CADM2: variants seen among roughly 807,000 people sequenced by gnomAD.
CADM2 encodes the protein cell adhesion molecule 2, also known as immunoglobulin superfamily member 4D.
CADM2 carries 12 observed loss-of-function variants against 49.8 expected under a neutral mutation model. The ratio of observed to expected loss-of-function variants is 0.24; its 90% CI spans 0.15 to 0.39. CADM2 has a LOEUF of 0.39. CADM2 is among the 10% of genes least tolerant of loss of function. The pLI, the probability that CADM2 is intolerant of heterozygous loss-of-function variation, is 1.00. For missense variants in CADM2, 378 were observed against 492.3 expected, an observed-to-expected ratio of 0.77 and a Z score of 2.20; for synonymous variants, 214 against 175.4, an observed-to-expected ratio of 1.22 and a Z score of -1.74.
At chr3:85,867,325 A>G (rs897600111) in intron 3 of CADM2, among the ~76,000 whole-genome samples, 5 of 151,944 alleles carry the variant, frequency 3.3e-5, no homozygotes, top group Non-Finnish European at 7.4e-5. Flanking sequence ...TTATGTCATC[A>G]CTCAAGTCTG....
chr3:85,573,691 T>C (rs2062548704), intron 1 of CADM2, among the ~76,000 whole-genome samples: 1 of 152,214 alleles, frequency 6.6e-6, no homozygotes, highest in Non-Finnish European at 1.5e-5. Context: ...GTTTGTGCAA[T>C]GTCCATCTCT....
At position 85,963,510 on chromosome 3, in the gene CADM2, C is replaced by T. The variant is rs556440787; in HGVS notation, c.970+1863C>T. ...GTCATGTAAGGAAAGTGTAGTCTAT[C>T]TGATTCACCTTAATTTTCCAAGTGC... is the stretch of plus-strand genomic sequence containing the variant. On this transcript the variant is annotated intron_variant, in intron 8 of 9. Transcript: ENST00000383699. Among the ~76,000 whole-genome samples, 14 of 151,976 alleles carry T rather than the reference C, an allele frequency of 9.2e-5. No homozygotes were observed. In the East Asian group the frequency reaches 1.6e-3, roughly 17 times the overall value.
chr3:85,197,700 A>G (rs2041377905), intron 1 of CADM2, among the ~76,000 whole-genome samples: 1 of 152,004 alleles, frequency 6.6e-6, no homozygotes, highest in Non-Finnish European at 1.5e-5. Flanking sequence ...TAAATCGCAC[A>G]AGTCAGCACA....
At position 85,008,605 on chromosome 3, in the gene CADM2, A is replaced by G. The variant is rs60984522; in HGVS notation, c.61+48937A>G. 9.1e-3 allele frequency among the ~76,000 whole-genome samples: 1,385 copies of G among 152,232 alleles called. 30 individuals are homozygous for G. The highest frequency in any genetic ancestry group is 0.031 in the African/African-American group (1,301 of 41,520). Reference sequence around the variant, plus strand: ...GAACGGAGAAGAGACAGAAGTAGAAATCAATGAGGTTTCTACTCAAAAACA... The same window carrying G: ...GAACGGAGAAGAGACAGAAGTAGAAGTCAATGAGGTTTCTACTCAAAAACA... On this transcript the variant is annotated intron_variant, in intron 1 of 9. Coordinates refer to ENST00000383699, the MANE Select transcript of CADM2 (RefSeq NM_001167675.2).
intron 1 of CADM2, among the ~76,000 whole-genome samples, chr3:85,616,219 T>C (rs1266705675): frequency 1.3e-5 from 2 of 150,858 alleles, no homozygotes; most frequent in Admixed American, 1.3e-4. Flanking sequence ...GAATAAAAAC[T>C]GTTTACAAAA....
chr3:85,601,190 A>AC, intron 1 of CADM2, among the ~76,000 whole-genome samples: 1 of 120,980 alleles, frequency 8.3e-6, no homozygotes, highest in Non-Finnish European at 1.8e-5. Flanking sequence ...ACACACACAC[A>AC]TACATGTCAT....
At chr3:85,760,870 T>C (rs749127779) in intron 2 of CADM2, among the ~76,000 whole-genome samples, 8 of 152,174 alleles carry the variant, frequency 5.3e-5, no homozygotes, top group Non-Finnish European at 1.0e-4. Context: ...AAATAGGTAA[T>C]AAATTAACAT....
chr3:85,914,607 A>T (rs544783626), intron 6 of CADM2, among the ~76,000 whole-genome samples: 100 of 152,334 alleles, frequency 6.6e-4, no homozygotes, highest in African/African-American at 2.4e-3. Context: ...ATAATTAAAT[A>T]AAACAATAAA....
chr3:85,763,422 T>C (rs2069495409), intron 2 of CADM2, among the ~76,000 whole-genome samples: 1 of 152,190 alleles, frequency 6.6e-6, no homozygotes, highest in Non-Finnish European at 1.5e-5. Context: ...CCTTTGGAAA[T>C]AACACCATCT....
chr3:85,591,295 A>T (rs1046939663), intron 1 of CADM2, among the ~76,000 whole-genome samples: 1 of 151,976 alleles, frequency 6.6e-6, no homozygotes, highest in Non-Finnish European at 1.5e-5. Context: ...CCATTTTCTT[A>T]GAGTATGTAC....
intron 1 of CADM2, among the ~76,000 whole-genome samples, chr3:85,386,388 TG>T (rs1249153010): frequency 1.3e-5 from 2 of 151,850 alleles, no homozygotes; most frequent in Non-Finnish European, 2.9e-5. Context: ...GGGAATTGGG[TG>T]GGGAGAACAA....
intron 1 of CADM2, among the ~76,000 whole-genome samples, chr3:85,361,203 C>T (rs1217380927): frequency 6.6e-6 from 1 of 152,092 alleles, no homozygotes. Flanking sequence ...CACAAGACTG[C>T]AAGCAGTTTA....
chr3:85,182,774 T>C (rs1034469459), intron 1 of CADM2, among the ~76,000 whole-genome samples: 6 of 152,084 alleles, frequency 3.9e-5, no homozygotes, highest in African/African-American at 1.4e-4. Context: ...AAATTATCAG[T>C]TGTCTTATTG....
chr3:86,067,020 T>C lies in CADM2; in HGVS notation c.*237T>C, dbSNP rs1051609769. The C allele has an allele frequency of 3.5e-5, 17 of 492,630 alleles. No homozygotes were observed. The highest frequency in any genetic ancestry group is 6.2e-5 in the Non-Finnish European group (17 of 273,752). The allele number at this position is 492,630 out of a possible 1,614,324, so 30.5% of individuals were successfully genotyped here. On this transcript the variant is annotated 3_prime_UTR_variant, in exon 10 of 10. Transcript: ENST00000383699. ...CCTAAATTTCACACCATTGCTCTTT[T>C]AACATACAGTGCTTGAATATACAGC...
At chr3:85,729,195 T>G (rs917792252) in intron 2 of CADM2, among the ~76,000 whole-genome samples, 5 of 152,194 alleles carry the variant, frequency 3.3e-5, no homozygotes, top group Non-Finnish European at 7.4e-5. Context: ...CATACTTCAT[T>G]TTTTAAAACT....
At chr3:85,230,205 T>C (rs1476830613) in intron 1 of CADM2, among the ~76,000 whole-genome samples, 1 of 148,892 alleles carries the variant, frequency 6.7e-6, no homozygotes, top group African/African-American at 2.6e-5. Flanking sequence ...CACAGGCATA[T>C]GGTGGTAGAC....
intron 1 of CADM2, among the ~76,000 whole-genome samples, chr3:85,567,487 A>T (rs1413195434): frequency 6.6e-6 from 1 of 152,150 alleles, no homozygotes; most frequent in Non-Finnish European, 1.5e-5. Flanking sequence ...TTTCCCCTAC[A>T]ATTGGATTAC....
At chr3:85,215,290 T>C (rs887274826) in intron 1 of CADM2, among the ~76,000 whole-genome samples, 1 of 144,496 alleles carries the variant, frequency 6.9e-6, no homozygotes, top group Non-Finnish European at 1.5e-5. Flanking sequence ...CCCTCAGGAC[T>C]CTACCTAGTG....
chr3:85,156,837 A>G (rs182939811), intron 1 of CADM2, among the ~76,000 whole-genome samples: 148 of 152,340 alleles, frequency 9.7e-4, no homozygotes, highest in Admixed American at 2.9e-3. Flanking sequence ...AGTTCTGGCC[A>G]GGGCAATTAG....
Sources: gnomAD v4.1 joint callset for allele counts (sites outside exome capture counted in the v4.1 genomes callset) on GRCh38, gnomAD v4.1.1 for gene constraint, MANE v1.5 for transcripts, NCBI Gene and HGNC (gene_info 2026-07-23, HGNC 2026-07-21) for gene names.